The following NT5DC1 variants were observed in gnomAD, a reference collection of about 807,000 sequenced individuals.
NT5DC1 encodes 5'-nucleotidase domain-containing protein 1.
A neutral mutation model predicts 59.4 loss-of-function variants in NT5DC1; 42 were observed. That is an observed-to-expected ratio of 0.71 (90% CI 0.55 to 0.92). The LOEUF (loss-of-function observed/expected upper bound fraction) is 0.92, where lower values mean the gene tolerates loss of function less well. Ranked by LOEUF, NT5DC1 falls within the 40% of genes least tolerant of loss-of-function variation. The pLI is 0.00. For synonymous variants in NT5DC1, 172 were observed against 188.1 expected, an observed-to-expected ratio of 0.91 and a Z score of 0.70; for missense variants, 501 against 537.1, an observed-to-expected ratio of 0.93 and a Z score of 0.66.
chr6:116,151,416 C>A (rs144732980), intron 6 of NT5DC1, among the ~76,000 whole-genome samples: 1 of 152,082 alleles, frequency 6.6e-6, no homozygotes, highest in South Asian at 2.1e-4. Flanking sequence ...TTGGTTTATA[C>A]CCTCTAAGTG....
At chr6:116,155,752 TAAAAAAAAAA>T (rs58270869) in intron 6 of NT5DC1, among the ~76,000 whole-genome samples, 1 of 114,616 alleles carries the variant, frequency 8.7e-6, no homozygotes, top group African/African-American at 3.2e-5. Flanking sequence ...TACTTCTCCT[TAAAAAAAAAA>T]AAAAAAAAAA....
At chr6:116,217,581 CA>C (rs1562169363) in intron 6 of NT5DC1, among the ~76,000 whole-genome samples, 1 of 152,066 alleles carries the variant, frequency 6.6e-6, no homozygotes, top group African/African-American at 2.4e-5. Context: ...CATAATTAAA[CA>C]TGACTTTTTT....
At chr6:116,208,602 A>G (rs997362372) in intron 6 of NT5DC1, among the ~76,000 whole-genome samples, 1 of 152,010 alleles carries the variant, frequency 6.6e-6, no homozygotes, top group Non-Finnish European at 1.5e-5. Flanking sequence ...TGATCATGTC[A>G]TCATGTCATC....
intron 6 of NT5DC1, among the ~76,000 whole-genome samples, chr6:116,197,841 G>A (rs1781268445): frequency 1.3e-5 from 2 of 152,050 alleles, no homozygotes; most frequent in African/African-American, 4.8e-5. Context: ...CCATTGAGAA[G>A]CGTTTACATG....
intron 6 of NT5DC1, among the ~76,000 whole-genome samples, chr6:116,161,146 A>G (rs1293039218): frequency 7.0e-6 from 1 of 142,768 alleles, no homozygotes; most frequent in East Asian, 2.1e-4. Context: ...AACAATGAGA[A>G]CACATGGACA....
At position 116,100,863 on chromosome 6, in the gene NT5DC1, A is replaced by C. The variant is rs1185671241; in HGVS notation, c.-68A>C. On this transcript the variant is annotated 5_prime_UTR_variant, in exon 1 of 12. Coordinates refer to ENST00000319550, the MANE Select transcript of NT5DC1 (RefSeq NM_152729.3). ...CGCGTCCGGCCCGGTCCTGTCCCGC[A>C]GCGTCCCGCCAGCCAGCTCCTTGCA... 2 of 1,253,928 alleles carry C rather than the reference A, an allele frequency of 1.6e-6. No homozygotes were observed. The highest frequency in any genetic ancestry group is 1.6e-5 in the African/African-American group (1 of 64,096). 77.7% of individuals were successfully genotyped at this position (1,253,928 alleles called of 1,614,324 possible). A position where few individuals can be genotyped will look rare whatever the true frequency, so the allele number is the denominator to read the frequency against.
chr6:116,212,124 T>C (rs1781592148), intron 6 of NT5DC1, among the ~76,000 whole-genome samples: 2 of 152,112 alleles, frequency 1.3e-5, no homozygotes, highest in African/African-American at 2.4e-5. Context: ...TTCAAATTTT[T>C]TATTAAAAAG....
At chr6:116,194,490 A>G (rs971234294) in intron 6 of NT5DC1, among the ~76,000 whole-genome samples, 2 of 152,022 alleles carry the variant, frequency 1.3e-5, no homozygotes, top group African/African-American at 4.8e-5. Context: ...AGAATCACTA[A>G]TAGCCTATTT....
intron 11 of NT5DC1, among the ~76,000 whole-genome samples, chr6:116,241,174 G>A (rs1397321051): frequency 2.0e-5 from 3 of 150,048 alleles, no homozygotes; most frequent in Non-Finnish European, 4.4e-5. Flanking sequence ...AATATTTTTA[G>A]ACAGGGAATA....
chr6:116,206,216 G>A (rs139188039), intron 6 of NT5DC1, among the ~76,000 whole-genome samples: 1 of 152,036 alleles, frequency 6.6e-6, no homozygotes, highest in African/African-American at 2.4e-5. Flanking sequence ...AGCATTTCGT[G>A]GTTAATCAAC....
chr6:116,129,969 C>T (rs1456941675), intron 6 of NT5DC1, among the ~76,000 whole-genome samples: 1 of 152,030 alleles, frequency 6.6e-6, no homozygotes, highest in African/African-American at 2.4e-5. Flanking sequence ...TGGCAAGAAC[C>T]CTTTACAGAG....
At chr6:116,232,822 A>G (rs1414172115) in intron 8 of NT5DC1, among the ~76,000 whole-genome samples, 1 of 152,212 alleles carries the variant, frequency 6.6e-6, no homozygotes, top group Non-Finnish European at 1.5e-5. Context: ...AAATAAAAAG[A>G]TTTACTTCAT....
chr6:116,231,106 CA>C (rs34948626), intron 8 of NT5DC1, among the ~76,000 whole-genome samples: 20,601 of 68,696 alleles, frequency 0.3, 1,582 homozygotes, highest in African/African-American at 0.41. Flanking sequence ...AACTCCGTCT[CA>C]AAAAAAAAAA....
intron 8 of NT5DC1, among the ~76,000 whole-genome samples, chr6:116,231,153 C>CCT (rs1554202032): frequency 1.4e-5 from 2 of 146,816 alleles, no homozygotes; most frequent in Non-Finnish European, 3.0e-5. Flanking sequence ...GTAAATCCCC[C>CCT]CCCCAAACCA....
intron 7 of NT5DC1, among the ~76,000 whole-genome samples, chr6:116,222,653 T>G (rs1781830088): frequency 1.3e-5 from 2 of 152,170 alleles, no homozygotes; most frequent in Admixed American, 1.3e-4. Context: ...CACACAAAAT[T>G]GTTAACTCTT....
chr6:116,182,249 G>T (rs1389495850), intron 6 of NT5DC1, among the ~76,000 whole-genome samples: 1 of 150,898 alleles, frequency 6.6e-6, no homozygotes, highest in Non-Finnish European at 1.5e-5. Flanking sequence ...GTGTGTGTGT[G>T]TGTGTATCAC....
Position 116,133,521 on chromosome 6 carries a change from G to A in NT5DC1, c.529+15576G>A, listed in dbSNP as rs146159906. Among the ~76,000 whole-genome samples, 396 of 152,182 alleles carry A rather than the reference G, an allele frequency of 2.6e-3. 10 individuals carry two copies. The South Asian group carries it at 0.044, about 17-fold the overall frequency. On this transcript the variant is annotated intron_variant, in intron 6 of 11. Transcript: ENST00000319550. ...CTGTAGAATATTAAGTACCTATAGG[G>A]CACCTGAGTACCTGTAGGGTCTGTG...
Position 116,101,021 on chromosome 6 carries a change from C to T in NT5DC1, c.91C>T (p.Pro31Ser), listed in dbSNP as rs1778632417. 4 of 1,593,270 alleles carry T rather than the reference C, an allele frequency of 2.5e-6. No individual in the cohort carries two copies. The South Asian group carries it at 3.4e-5, about 13-fold the overall frequency. Residue 31 changes from proline (P) to serine (S), a missense_variant and splice_region_variant, in exon 1 of 12, where the codon CCG becomes TCG. Coordinates refer to ENST00000319550, the MANE Select transcript of NT5DC1 (RefSeq NM_152729.3). ...LCRYNLPESA[P>S]LIYNSFAQFL... The stretch of plus-strand genomic sequence containing the variant: ...TCGCTACAACCTGCCCGAGAGCGCC[C>T]CGGTGAGTGGCGCGGGCTCCGGGGC...
At chr6:116,149,348 T>A (rs1779976061) in intron 6 of NT5DC1, among the ~76,000 whole-genome samples, 1 of 152,228 alleles carries the variant, frequency 6.6e-6, no homozygotes, top group Non-Finnish European at 1.5e-5. Context: ...TACTAACTTA[T>A]TCTTCCAGTA....
Sources: allele counts gnomAD v4.1 joint callset (sites outside exome capture counted in the v4.1 genomes callset), GRCh38; gene constraint gnomAD v4.1.1; transcripts MANE v1.5; gene names NCBI Gene and HGNC (gene_info 2026-07-23, HGNC 2026-07-21).